The following FUT8 variants were observed in gnomAD, a reference collection of about 807,000 sequenced individuals.
FUT8 encodes alpha-(1,6)-fucosyltransferase.
In FUT8, 29 loss-of-function variants were observed where a neutral mutation model predicts 71.3. That is an observed-to-expected ratio of 0.41 (90% CI 0.30 to 0.55). The LOEUF (loss-of-function observed/expected upper bound fraction) is 0.55. Among genes scored for constraint, FUT8 ranks in the 20% least tolerant of loss-of-function variants. The pLI is 0.34. For missense variants in FUT8, 544 were observed against 702.1 expected, an observed-to-expected ratio of 0.77 and a Z score of 2.55; for synonymous variants, 254 against 239.3, an observed-to-expected ratio of 1.06 and a Z score of -0.57.
chr14:65,389,105 T>G, the FUT8 span, among the ~76,000 whole-genome samples: 1 of 151,064 alleles, frequency 6.6e-6, no homozygotes, highest in Non-Finnish European at 1.5e-5. Context: ...GTGATCCTCC[T>G]GCCTTGGTCT....
intron 3 of FUT8, among the ~76,000 whole-genome samples, chr14:65,598,394 T>G (rs1311250989): frequency 6.6e-6 from 1 of 152,098 alleles, no homozygotes. Context: ...AGCTAAGTTT[T>G]GTGTTTTTAA....
At chr14:65,584,242 G>A (rs1887254290) in intron 3 of FUT8, among the ~76,000 whole-genome samples, 1 of 148,640 alleles carries the variant, frequency 6.7e-6, no homozygotes, top group South Asian at 2.1e-4. Flanking sequence ...GCAGTGGTGC[G>A]ATCTTGGCTC....
chr14:65,715,644 G>A (rs1234306911), intron 7 of FUT8, among the ~76,000 whole-genome samples: 2 of 151,964 alleles, frequency 1.3e-5, no homozygotes, highest in Non-Finnish European at 2.9e-5. Flanking sequence ...CATAGGTTTT[G>A]GTATGTTGTG....
chr14:65,476,687 C>CT lies in FUT8; in HGVS notation c.-228+20970dup, dbSNP rs200699047. ...TTTTTTTTTTGGCGACAGGGTTTTGCTGTAGGTCTCCCAGGCTGGAGTACA... is the reference window on the plus strand; with the variant it reads ...TTTTTTTTTTGGCGACAGGGTTTTGCTTGTAGGTCTCCCAGGCTGGAGTACA... On this transcript the variant is annotated intron_variant, in intron 2 of 10. Coordinates refer to ENST00000673929, the MANE Select transcript of FUT8 (RefSeq NM_001371533.1). Among the ~76,000 whole-genome samples the CT allele has an allele frequency of 9.0e-3, 1,157 of 128,802 alleles. 19 individuals are homozygous for CT. The highest frequency in any genetic ancestry group is 0.033 in the African/African-American group (1,108 of 33,880). 84.5% of individuals were successfully genotyped at this position (128,802 alleles called of 152,430 possible).
the FUT8 span, among the ~76,000 whole-genome samples, chr14:65,386,198 T>C: frequency 6.6e-6 from 1 of 151,304 alleles, no homozygotes; most frequent in African/African-American, 2.4e-5. Context: ...TCCCAGCTAC[T>C]CAGGAGGCTA....
At chr14:65,415,383 C>T (rs534517627) in intron 1 of FUT8, among the ~76,000 whole-genome samples, 4 of 152,140 alleles carry the variant, frequency 2.6e-5, no homozygotes, top group Admixed American at 6.5e-5. Context: ...TCTTTTCATG[C>T]GCTGCAATAA....
intron 2 of FUT8, among the ~76,000 whole-genome samples, chr14:65,491,680 T>C (rs2066484336): frequency 1.3e-5 from 2 of 152,130 alleles, no homozygotes; most frequent in Non-Finnish European, 1.5e-5. Flanking sequence ...AAATGTGATA[T>C]GGAATATAAT....
At chr14:65,716,722 C>T (rs1416626076) in intron 7 of FUT8, among the ~76,000 whole-genome samples, 3 of 152,154 alleles carry the variant, frequency 2.0e-5, no homozygotes, top group African/African-American at 7.2e-5. Context: ...ATCATCATGG[C>T]CTGTTCTCGA....
At chr14:65,667,920 A>G (rs1206782300) in intron 6 of FUT8, among the ~76,000 whole-genome samples, 3 of 152,124 alleles carry the variant, frequency 2.0e-5, no homozygotes, top group South Asian at 4.1e-4. Context: ...ATAAAGTCAT[A>G]TACCTACAAC....
intron 2 of FUT8, among the ~76,000 whole-genome samples, chr14:65,530,837 C>T (rs1883907087): frequency 6.6e-6 from 1 of 150,738 alleles, no homozygotes; most frequent in African/African-American, 2.4e-5. Context: ...CTCTCCCTCC[C>T]TCCCCCTCTC....
intron 2 of FUT8, among the ~76,000 whole-genome samples, chr14:65,551,972 T>C (rs1263518326): frequency 2.6e-5 from 4 of 152,158 alleles, no homozygotes; most frequent in Admixed American, 2.6e-4. Flanking sequence ...ATCATCTGTT[T>C]ATATATATAA....
intron 1 of FUT8, among the ~76,000 whole-genome samples, chr14:65,451,023 A>C (rs2065815755): frequency 6.6e-6 from 1 of 151,702 alleles, no homozygotes; most frequent in Admixed American, 6.6e-5. Flanking sequence ...CACCCCGCTA[A>C]TTTTTTGTAT....
At chr14:65,601,983 A>T (rs892819652) in intron 3 of FUT8, among the ~76,000 whole-genome samples, 5 of 151,716 alleles carry the variant, frequency 3.3e-5, no homozygotes, top group African/African-American at 4.8e-5. Flanking sequence ...TTTTAAAAAA[A>T]TTTTTTTTAT....
chr14:65,552,669 C>T (rs923473005), intron 2 of FUT8, among the ~76,000 whole-genome samples: 2 of 152,198 alleles, frequency 1.3e-5, no homozygotes, highest in African/African-American at 2.4e-5. Flanking sequence ...CAAATGTGCT[C>T]CCTTCTCTAC....
intron 2 of FUT8, among the ~76,000 whole-genome samples, chr14:65,508,502 T>TG (rs1011536542): frequency 1.7e-4 from 22 of 130,604 alleles, no homozygotes; most frequent in Non-Finnish European, 3.3e-4. Flanking sequence ...TTTTTTTTTT[T>TG]TTTTTTTTTT....
chr14:65,633,760 G>C (rs1340918678), intron 6 of FUT8, among the ~76,000 whole-genome samples: 3 of 151,994 alleles, frequency 2.0e-5, no homozygotes, highest in Non-Finnish European at 4.4e-5. Context: ...CCCCGTCTGA[G>C]AAGTGAGGAG....
intron 1 of FUT8, among the ~76,000 whole-genome samples, chr14:65,434,665 A>G (rs2065528364): frequency 6.6e-6 from 1 of 152,118 alleles, no homozygotes; most frequent in Non-Finnish European, 1.5e-5. Flanking sequence ...AAAACTAAGA[A>G]TTTACTGTGT....
chr14:65,399,409 T>C, the FUT8 span, among the ~76,000 whole-genome samples: 4 of 152,174 alleles, frequency 2.6e-5, no homozygotes, highest in African/African-American at 7.2e-5. Context: ...TTGGTGAACA[T>C]CAGCCCTGAC....
chr14:65,697,340 T>C (rs1489976733), intron 7 of FUT8, among the ~76,000 whole-genome samples: 2 of 152,182 alleles, frequency 1.3e-5, no homozygotes, highest in South Asian at 2.1e-4. Flanking sequence ...TTTCTCCTTA[T>C]TGTTCATCAG....
Sources: gnomAD v4.1 joint callset for allele counts (sites outside exome capture counted in the v4.1 genomes callset) on GRCh38, gnomAD v4.1.1 for gene constraint, MANE v1.5 for transcripts, NCBI Gene and HGNC (gene_info 2026-07-23, HGNC 2026-07-21) for gene names.